SSH2: variants seen among roughly 807,000 people sequenced by gnomAD.
SSH2 encodes the protein protein phosphatase Slingshot homolog 2.
A neutral mutation model predicts 135.2 loss-of-function variants in SSH2; 37 were observed. The observed-to-expected ratio is 0.27, with a 90% CI of 0.21 to 0.36. SSH2 has a LOEUF of 0.36. Ranked by LOEUF, SSH2 falls within the 10% of genes least tolerant of loss-of-function variation. The probability of loss-of-function intolerance (pLI) is 1.00; values close to 1 mark genes in which losing one functional copy is unlikely to be tolerated. For synonymous variants in SSH2, 628 were observed against 646.2 expected, an observed-to-expected ratio of 0.97 and a Z score of 0.43; for missense variants, 1,408 against 1,765.3, an observed-to-expected ratio of 0.80 and a Z score of 3.63.
At chr17:29,668,727 ACT>A (rs1450212247) in intron 9 of SSH2, among the ~76,000 whole-genome samples, 2 of 151,898 alleles carry the variant, frequency 1.3e-5, no homozygotes, top group South Asian at 4.2e-4. Flanking sequence ...ACGGAGCAAG[ACT>A]CTGTCTCAAG....
chr17:29,922,610 C>T (rs2066995318), intron 1 of SSH2, among the ~76,000 whole-genome samples: 1 of 152,104 alleles, frequency 6.6e-6, no homozygotes, highest in African/African-American at 2.4e-5. Flanking sequence ...ATCAAACCAA[C>T]TAGGTACTAC....
intron 3 of SSH2, among the ~76,000 whole-genome samples, chr17:29,743,268 A>G (rs1200682557): frequency 6.6e-6 from 1 of 152,168 alleles, no homozygotes; most frequent in African/African-American, 2.4e-5. Context: ...ATATAATGGT[A>G]GAGAGTTCTT....
chr17:29,632,356 TG>T lies in SSH2; in HGVS notation c.2837del (p.Pro946GlnfsTer12), dbSNP rs752567808. ...APKGKSDEAP[P>X]EHSFVLKEPE... The stretch of plus-strand genomic sequence containing the variant: ...GTTCCTTGAGGACAAATGAATGTTC[TG>T]GGGGGGCTTCATCACTTTTCCCTTT... On this transcript the variant is annotated frameshift_variant, in exon 16 of 16. Coordinates refer to ENST00000540801, the MANE Select transcript of SSH2 (RefSeq NM_001282129.2). LOFTEE classifies it high-confidence loss of function. The T allele has an allele frequency of 6.2e-7, 1 of 1,613,922 alleles. No individual in the cohort carries two copies.
In SSH2 at chr17:29,679,622, T is replaced by C. The variant is rs552342290; in HGVS notation, c.480-1881A>G. ...GGTTTCTCCATATTGGTCAGGCTGG[T>C]CTTGAACTCCCAACCTCAGGTGATC... On this transcript the variant is annotated intron_variant, in intron 6 of 15. Transcript: ENST00000540801. Among the ~76,000 whole-genome samples the C allele has an allele frequency of 9.9e-5, 15 of 152,232 alleles. No homozygotes were observed. In the South Asian group the frequency reaches 3.1e-3, roughly 32 times the overall value.
chr17:29,732,604 C>A (rs1234471820), intron 3 of SSH2, among the ~76,000 whole-genome samples: 1 of 152,146 alleles, frequency 6.6e-6, no homozygotes, highest in Non-Finnish European at 1.5e-5. Flanking sequence ...GAAATGGAGA[C>A]CAGCTAAGGT....
chr17:29,850,167 A>T (rs1266077740), intron 1 of SSH2, among the ~76,000 whole-genome samples: 6 of 152,152 alleles, frequency 3.9e-5, no homozygotes, highest in African/African-American at 1.4e-4. Context: ...AGACAAGGAA[A>T]ATAAGACAAA....
At chr17:29,926,421 G>T (rs941100823) in intron 1 of SSH2, among the ~76,000 whole-genome samples, 1 of 151,824 alleles carries the variant, frequency 6.6e-6, no homozygotes. Flanking sequence ...AGGTGTGATG[G>T]TGCGTGCCCG....
At chr17:29,813,839 A>T (rs2321333) in intron 2 of SSH2, among the ~76,000 whole-genome samples, 83,770 of 150,220 alleles carry the variant, frequency 0.56, 23,634 homozygotes, top group East Asian at 0.69. Flanking sequence ...TTAAATTAAA[A>T]TTTAAAAAAA....
chr17:29,694,038 A>G (rs1396336459), intron 5 of SSH2, among the ~76,000 whole-genome samples: 1 of 152,176 alleles, frequency 6.6e-6, no homozygotes, highest in South Asian at 2.1e-4. Flanking sequence ...ATGGCTTTCA[A>G]TGTGGCCCAG....
intron 14 of SSH2, among the ~76,000 whole-genome samples, chr17:29,644,309 C>T (rs932094189): frequency 6.6e-6 from 1 of 152,142 alleles, no homozygotes; most frequent in African/African-American, 2.4e-5. Flanking sequence ...TCCCTCAGCA[C>T]GGGGCTACCT....
At chr17:29,871,140 G>T (rs1599120878) in intron 1 of SSH2, among the ~76,000 whole-genome samples, 1 of 152,006 alleles carries the variant, frequency 6.6e-6, no homozygotes, top group Non-Finnish European at 1.5e-5. Context: ...CATCTGAGAA[G>T]TCACGGGATA....
chr17:29,860,450 T>C (rs1016838607), intron 1 of SSH2, among the ~76,000 whole-genome samples: 3 of 148,940 alleles, frequency 2.0e-5, no homozygotes, highest in Admixed American at 1.3e-4. Flanking sequence ...TTTTTTTTTT[T>C]TTTTTTTTGA....
At chr17:29,638,916 C>T (rs967780799) in intron 14 of SSH2, among the ~76,000 whole-genome samples, 4 of 152,156 alleles carry the variant, frequency 2.6e-5, no homozygotes, top group African/African-American at 9.6e-5. Flanking sequence ...AAAAAACCTA[C>T]TAAAATCAAA....
chr17:29,788,501 C>T lies in SSH2; in HGVS notation c.188+5393G>A, dbSNP rs1317446835. Among the ~76,000 whole-genome samples, 3 of 152,266 alleles carry T rather than the reference C, an allele frequency of 2.0e-5. No individual in the cohort carries two copies. In the East Asian group the frequency reaches 5.8e-4, roughly 29 times the overall value. On this transcript the variant is annotated intron_variant, in intron 3 of 15. Coordinates refer to ENST00000540801, the MANE Select transcript of SSH2 (RefSeq NM_001282129.2). ...CCATTAGTTCTCCTGGGTTTCCAGC[C>T]TACAGATCTTGGGACTTCTCAGCCT... is the stretch of plus-strand genomic sequence containing the variant.
intron 1 of SSH2, among the ~76,000 whole-genome samples, chr17:29,862,881 C>G (rs917927851): frequency 6.6e-6 from 1 of 152,190 alleles, no homozygotes; most frequent in South Asian, 2.1e-4. Context: ...AAGCACCAGT[C>G]AAATCCCAGA....
chr17:29,881,092 AG>A (rs1481482373), intron 1 of SSH2, among the ~76,000 whole-genome samples: 7 of 152,258 alleles, frequency 4.6e-5, no homozygotes, highest in Non-Finnish European at 1.0e-4. Context: ...GATACAGAGT[AG>A]TATCTGTGTG....
At chr17:29,716,324 T>G (rs1474796677) in intron 3 of SSH2, 4 of 458,990 alleles carry the variant, frequency 8.7e-6, no homozygotes, top group Non-Finnish European at 1.6e-5. Flanking sequence ...TTTCTGATCA[T>G]TTTCTTTCAC....
At chr17:29,821,850 T>C (rs1028134124) in intron 2 of SSH2, among the ~76,000 whole-genome samples, 7 of 152,190 alleles carry the variant, frequency 4.6e-5, no homozygotes, top group African/African-American at 1.7e-4. Context: ...TTCACTATGT[T>C]GGCCAGGCTG....
intron 1 of SSH2, among the ~76,000 whole-genome samples, chr17:29,908,498 C>T (rs1175074689): frequency 2.0e-5 from 3 of 151,884 alleles, no homozygotes; most frequent in African/African-American, 4.8e-5. Context: ...GGCGCAGTGG[C>T]TCATGCCTGT....
Sources: allele counts gnomAD v4.1 joint callset (sites outside exome capture counted in the v4.1 genomes callset), GRCh38; gene constraint gnomAD v4.1.1; transcripts MANE v1.5; gene names NCBI Gene and HGNC (gene_info 2026-07-23, HGNC 2026-07-21).